REPS1: variants seen among roughly 807,000 people sequenced by gnomAD.
The protein encoded by REPS1 is RALBP1 associated Eps domain containing 1.
In REPS1, 39 loss-of-function variants were observed where a neutral mutation model predicts 100.9. The observed-to-expected ratio is 0.39, with a 90% CI of 0.30 to 0.50. The LOEUF is 0.50. Ranked by LOEUF, REPS1 falls within the 20% of genes least tolerant of loss-of-function variation. The pLI is 0.86. For missense variants in REPS1, 821 were observed against 968.5 expected, an observed-to-expected ratio of 0.85 and a Z score of 2.02; for synonymous variants, 324 against 340.3, an observed-to-expected ratio of 0.95 and a Z score of 0.53.
chr6:138,987,602 C>G lies in REPS1; in HGVS notation c.81G>C (p.Lys27Asn). The G allele has an allele frequency of 6.4e-7, 1 of 1,551,194 alleles. No individual in the cohort carries two copies. The highest frequency in any genetic ancestry group is 8.7e-7 in the Non-Finnish European group (1 of 1,146,722). ...LFSYCDIESTKKVVVNGRVLE... is the reference protein window; with the variant it reads ...LFSYCDIESTNKVVVNGRVLE... ...GCACCCGCCCGTTGACCACCACCTT[C>G]TTGGTGCTCTCAATGTCGCAGTAGG... The change falls in exon 1 of 20, where the codon AAG (lysine) becomes AAC (asparagine). Residue 27 changes from lysine to asparagine, a missense_variant. Around this residue, in one of 3 missense-constraint regions of REPS1, gnomAD observed 36 missense variants for 36.7 expected, o/e 0.98. Coordinates refer to ENST00000450536, the MANE Select transcript of REPS1 (RefSeq NM_001286611.2).
chr6:138,979,496 C>G (rs1784812674), intron 1 of REPS1, among the ~76,000 whole-genome samples: 1 of 151,926 alleles, frequency 6.6e-6, no homozygotes, highest in Admixed American at 6.6e-5. Context: ...TCCCTCAAAT[C>G]ACTCAAATCT....
intron 18 of REPS1, 143 bp downstream of exon 18, chr6:138,908,525 C>A: frequency 1.2e-6 from 1 of 835,926 alleles, no homozygotes; most frequent in Non-Finnish European, 1.9e-6. Context: ...TAACTCCTGA[C>A]CACAAATGAT....
At chr6:138,925,190 T>TACAC (rs3070143) in intron 10 of REPS1, among the ~76,000 whole-genome samples, 2,097 of 148,060 alleles carry the variant, frequency 0.014, 30 homozygotes, top group Middle Eastern at 0.066. Flanking sequence ...TACTAAAAAA[T>TACAC]ACACACACAC....
chr6:138,961,560 A>G (rs1377972503), intron 1 of REPS1, among the ~76,000 whole-genome samples: 1 of 152,226 alleles, frequency 6.6e-6, no homozygotes, highest in Admixed American at 6.5e-5. Flanking sequence ...TCCAGCATAC[A>G]ATATTAGCAC....
chr6:138,943,793 T>G (rs6899737), intron 6 of REPS1, 60 bp downstream of exon 6: 257,009 of 1,362,398 alleles, frequency 0.19, 26,919 homozygotes, highest in African/African-American at 0.39. Context: ...ATGTCTTTGA[T>G]ATTATGAAAT....
rs1292796236 is a variant in REPS1, at chr6:138,914,767, T to A, written c.1721-6A>T. 1 of 1,608,466 alleles carries A rather than the reference T, an allele frequency of 6.2e-7. No homozygotes were observed. Among genetic ancestry groups the A allele is most frequent in the Non-Finnish European group, 8.5e-7 (1 of 1,178,582 alleles). On this transcript the variant is annotated splice_region_variant and splice_polypyrimidine_tract_variant and intron_variant, in intron 14 of 19. Coordinates refer to ENST00000450536, the MANE Select transcript of REPS1 (RefSeq NM_001286611.2). The stretch of plus-strand genomic sequence containing the variant: ...AACTCCAGCCTGTTGTTGTCCTGCA[T>A]GAATACAAAAGTTCTTCTTTTTAGT...
chr6:138,945,174 G>T (rs1480742773), intron 4 of REPS1, 45 bp downstream of exon 4: 12 of 1,518,304 alleles, frequency 7.9e-6, no homozygotes, highest in Non-Finnish European at 1.1e-5. Context: ...TGCAAGACCA[G>T]CCTGGGCAAC....
At chr6:138,928,199 T>C (rs763339296) in intron 9 of REPS1, 2 of 152,198 alleles carry the variant, frequency 1.3e-5, no homozygotes, top group African/African-American at 2.4e-5. Flanking sequence ...CCTCATAAGA[T>C]TGTTCAGAGG....
At chr6:138,950,133 T>C (rs1430885396) in intron 1 of REPS1, among the ~76,000 whole-genome samples, 1 of 152,178 alleles carries the variant, frequency 6.6e-6, no homozygotes, top group East Asian at 1.9e-4. Flanking sequence ...CTGGAATTTA[T>C]TTTGGAATGA....
chr6:138,927,806 G>A (rs1582750068), intron 9 of REPS1: 2 of 152,030 alleles, frequency 1.3e-5, no homozygotes, highest in Non-Finnish European at 1.5e-5. Flanking sequence ...TTTATCATGC[G>A]GCATCACTTC....
At chr6:138,935,140 G>T (rs376437353) in intron 8 of REPS1, among the ~76,000 whole-genome samples, 3 of 152,084 alleles carry the variant, frequency 2.0e-5, no homozygotes, top group Non-Finnish European at 4.4e-5. Context: ...CCTTATGAGG[G>T]TCTATGAAAC....
intron 16 of REPS1, 182 bp downstream of exon 16, chr6:138,912,583 C>G (rs1161343886): frequency 1.6e-6 from 1 of 629,510 alleles, no homozygotes; most frequent in African/African-American, 1.9e-5. Flanking sequence ...CCACCAGACT[C>G]TGATACTTAG....
At chr6:138,936,323 G>A (rs998897636) in intron 8 of REPS1, among the ~76,000 whole-genome samples, 40 of 152,080 alleles carry the variant, frequency 2.6e-4, no homozygotes, top group African/African-American at 9.2e-4. Flanking sequence ...CTACCAAAGC[G>A]CTTCTGGGAG....
chr6:138,939,431 T>A (rs927239034), intron 8 of REPS1, among the ~76,000 whole-genome samples: 16 of 152,196 alleles, frequency 1.1e-4, no homozygotes, highest in African/African-American at 3.4e-4. Flanking sequence ...GAAAAAAATT[T>A]CTTCCTGAAC....
intron 8 of REPS1, among the ~76,000 whole-genome samples, chr6:138,931,742 A>C (rs751045427): frequency 1.3e-5 from 2 of 151,718 alleles, no homozygotes; most frequent in Non-Finnish European, 1.5e-5. Flanking sequence ...ATAGTAGCAA[A>C]TTCCTCATTG....
intron 1 of REPS1, among the ~76,000 whole-genome samples, chr6:138,959,837 C>T (rs1029168307): frequency 3.3e-5 from 5 of 152,150 alleles, no homozygotes; most frequent in African/African-American, 9.7e-5. Flanking sequence ...TGTTATTCTA[C>T]TTAATGTTCA....
chr6:138,917,465 C>T (rs1458831952), intron 13 of REPS1, 90 bp downstream of exon 13: 3 of 1,018,684 alleles, frequency 2.9e-6, no homozygotes, highest in African/African-American at 3.2e-5. Context: ...TTTCAGAGAA[C>T]AAAATCATTT....
chr6:138,927,739 T>C (rs1258003351), intron 9 of REPS1: 1 of 152,194 alleles, frequency 6.6e-6, no homozygotes, highest in African/African-American at 2.4e-5. Flanking sequence ...AATTAAGATA[T>C]TCTGAGAAAT....
intron 8 of REPS1, among the ~76,000 whole-genome samples, chr6:138,935,082 A>G (rs1781721475): frequency 6.6e-6 from 1 of 152,156 alleles, no homozygotes; most frequent in South Asian, 2.1e-4. Context: ...TCCAAAATGA[A>G]CTCCACTTTT....
Sources: allele counts gnomAD v4.1 joint callset (sites outside exome capture counted in the v4.1 genomes callset), GRCh38; gene constraint gnomAD v4.1.1; regional missense constraint gnomAD v4.1.1; transcripts MANE v1.5; gene names NCBI Gene and HGNC (gene_info 2026-07-23, HGNC 2026-07-21).